SOX6: variants seen among roughly 807,000 people sequenced by gnomAD.
The protein encoded by SOX6 is SRY-box transcription factor 6, also known as transcription factor SOX-6.
SOX6 carries 11 observed loss-of-function variants against 97.8 expected under a neutral mutation model. The ratio of observed to expected loss-of-function variants is 0.11; its 90% CI spans 0.07 to 0.19. The LOEUF (loss-of-function observed/expected upper bound fraction) is 0.19. Ranked by LOEUF, SOX6 falls within the 10% of genes least tolerant of loss-of-function variation. The pLI, the probability that SOX6 is intolerant of heterozygous loss-of-function variation, is 1.00. For synonymous variants in SOX6, 360 were observed against 371.4 expected, an observed-to-expected ratio of 0.97 and a Z score of 0.35; for missense variants, 810 against 1,039.5, an observed-to-expected ratio of 0.78 and a Z score of 3.04.
At chr11:16,424,229 C>G (rs1250845950) in intron 1 of SOX6, among the ~76,000 whole-genome samples, 1 of 152,094 alleles carries the variant, frequency 6.6e-6, no homozygotes, top group East Asian at 1.9e-4. Context: ...TCAAGGGTTA[C>G]CAAAGTCGAG....
chr11:16,020,396 A>G (rs1219208509), intron 12 of SOX6, among the ~76,000 whole-genome samples: 3 of 152,004 alleles, frequency 2.0e-5, no homozygotes, highest in Admixed American at 6.6e-5. Context: ...CACTCTTCAC[A>G]GAGTTCTACT....
chr11:16,429,445 C>T (rs1859225451), intron 1 of SOX6, among the ~76,000 whole-genome samples: 1 of 152,076 alleles, frequency 6.6e-6, no homozygotes, highest in Admixed American at 6.5e-5. Flanking sequence ...CAATGATAGA[C>T]TGGATAAAAG....
intron 1 of SOX6, among the ~76,000 whole-genome samples, chr11:16,467,473 C>A (rs1860063225): frequency 6.6e-6 from 1 of 152,160 alleles, no homozygotes; most frequent in Non-Finnish European, 1.5e-5. Context: ...AGAATGAGAT[C>A]ATGTCCTTTG....
chr11:16,088,070 AT>A (rs767959030), intron 9 of SOX6, among the ~76,000 whole-genome samples: 2 of 152,034 alleles, frequency 1.3e-5, no homozygotes, highest in Non-Finnish European at 2.9e-5. Flanking sequence ...GTGCTAAAAA[AT>A]TTTTTTGCTG....
intron 4 of SOX6, among the ~76,000 whole-genome samples, chr11:16,230,818 T>C (rs888839718): frequency 2.0e-5 from 3 of 151,704 alleles, no homozygotes; most frequent in African/African-American, 4.8e-5. Flanking sequence ...CAGTGATTAA[T>C]ATAGCATAGT....
chr11:16,032,176 A>T (rs981770534), intron 12 of SOX6, among the ~76,000 whole-genome samples: 2 of 152,146 alleles, frequency 1.3e-5, no homozygotes, highest in Non-Finnish European at 2.9e-5. Context: ...AAAGAGTAAG[A>T]CATGGGCTCT....
At chr11:16,497,978 T>C (rs1013656381) in intron 4 of SOX6, among the ~76,000 whole-genome samples, 2 of 152,240 alleles carry the variant, frequency 1.3e-5, no homozygotes, top group African/African-American at 4.8e-5. Flanking sequence ...GCCACAAAGA[T>C]ACTCCTCGAG....
chr11:15,977,861 T>C (rs1004678037), intron 15 of SOX6, among the ~76,000 whole-genome samples: 2 of 152,020 alleles, frequency 1.3e-5, no homozygotes, highest in African/African-American at 4.8e-5. Flanking sequence ...CCTTTCTCAC[T>C]CCAAGCTAAT....
chr11:16,158,072 T>C (rs1850648683), intron 6 of SOX6, among the ~76,000 whole-genome samples: 1 of 152,158 alleles, frequency 6.6e-6, no homozygotes, highest in Non-Finnish European at 1.5e-5. Context: ...TTTATTCTTG[T>C]TTCCAGCATA....
At chr11:16,499,194 G>T (rs1443261432) in intron 4 of SOX6, among the ~76,000 whole-genome samples, 1 of 152,162 alleles carries the variant, frequency 6.6e-6, no homozygotes, top group African/African-American at 2.4e-5. Context: ...TGAACAACCT[G>T]CTCCTGAATG....
chr11:16,220,366 T>A lies in SOX6; in HGVS notation c.535+14216A>T, dbSNP rs181937061. ...ATACTGCAAGGGGTTGAGAGGCATA[T>A]AATAGCTAAACTACCTGTTACAAGA... On this transcript the variant is annotated intron_variant, in intron 4 of 15. Coordinates refer to ENST00000683767, the MANE Select transcript of SOX6 (RefSeq NM_001367873.1). 2.2e-3 allele frequency among the ~76,000 whole-genome samples: 328 copies of A among 152,204 alleles called. 2 individuals carry two copies. Among genetic ancestry groups the A allele is most frequent in the African/African-American group, 7.7e-3 (318 of 41,562 alleles).
intron 4 of SOX6, among the ~76,000 whole-genome samples, chr11:16,206,615 G>A (rs182981732): frequency 2.1e-4 from 32 of 152,190 alleles, no homozygotes; most frequent in East Asian, 9.7e-4. Flanking sequence ...GTGAGTTAAC[G>A]CAAGTTAATA....
At chr11:16,292,972 C>T (rs565646549) in intron 3 of SOX6, among the ~76,000 whole-genome samples, 4 of 152,084 alleles carry the variant, frequency 2.6e-5, no homozygotes, top group Non-Finnish European at 4.4e-5. Context: ...TCATTTAAAC[C>T]GCTTAATCTC....
intron 6 of SOX6, among the ~76,000 whole-genome samples, chr11:16,152,815 T>C (rs887258133): frequency 2.0e-5 from 3 of 152,118 alleles, no homozygotes; most frequent in African/African-American, 7.2e-5. Context: ...GCGATTCTCA[T>C]GCCTCAGCCT....
intron 4 of SOX6, among the ~76,000 whole-genome samples, chr11:16,569,538 C>G (rs1348292140): frequency 1.3e-5 from 2 of 151,984 alleles, no homozygotes; most frequent in Non-Finnish European, 2.9e-5. Flanking sequence ...AAGACCATCC[C>G]TTTAACTGAA....
intron 13 of SOX6, among the ~76,000 whole-genome samples, chr11:15,989,891 G>A (rs908177743): frequency 1.3e-5 from 2 of 152,154 alleles, no homozygotes; most frequent in Non-Finnish European, 2.9e-5. Context: ...GTGGGTGAGA[G>A]GTGCTACAAT....
At chr11:16,533,338 C>A (rs1379163445) in intron 4 of SOX6, among the ~76,000 whole-genome samples, 1 of 151,616 alleles carries the variant, frequency 6.6e-6, no homozygotes, top group African/African-American at 2.4e-5. Flanking sequence ...AACTGAATAA[C>A]CCCTAAAAAC....
rs143505691 is a variant in SOX6, at chr11:16,243,550, C to T, written c.446-8879G>A. On this transcript the variant is annotated intron_variant, in intron 3 of 15. Coordinates refer to ENST00000683767, the MANE Select transcript of SOX6 (RefSeq NM_001367873.1). ...TATATAATTTACATATAATAAAATG[C>T]GCCCATTTAAAATATAAATTTAATA... 2.1e-3 allele frequency among the ~76,000 whole-genome samples: 326 copies of T among 151,664 alleles called. 1 individual carries two copies. The highest frequency in any genetic ancestry group is 7.3e-3 in the African/African-American group (302 of 41,414).
intron 3 of SOX6, among the ~76,000 whole-genome samples, chr11:16,641,225 G>A (rs1305337817): frequency 6.6e-6 from 1 of 152,186 alleles, no homozygotes; most frequent in Non-Finnish European, 1.5e-5. Flanking sequence ...AGTTTTGAGT[G>A]AGTTTCTTAA....
Sources: allele counts gnomAD v4.1 joint callset (sites outside exome capture counted in the v4.1 genomes callset), GRCh38; gene constraint gnomAD v4.1.1; transcripts MANE v1.5; gene names NCBI Gene and HGNC (gene_info 2026-07-23, HGNC 2026-07-21).